Variants in GFRA2 observed in about 807,000 individuals in gnomAD.
The protein encoded by GFRA2 is GDNF family receptor alpha-2.
In GFRA2, 17 loss-of-function variants were observed where a neutral mutation model predicts 48.3. The ratio of observed to expected loss-of-function variants is 0.35; its 90% CI spans 0.24 to 0.53. The LOEUF is 0.53. Ranked by LOEUF, GFRA2 falls within the 20% of genes least tolerant of loss-of-function variation. The pLI, the probability that GFRA2 is intolerant of heterozygous loss-of-function variation, is 0.93. For missense variants in GFRA2, 660 were observed against 637.3 expected (o/e 1.04, Z -0.38); for synonymous variants, 305 against 257.2 (o/e 1.19, Z -1.78).
chr8:21,714,822 A>G (rs1203892694), intron 4 of GFRA2, among the ~76,000 whole-genome samples: 2 of 152,298 alleles, frequency 1.3e-5, no homozygotes, highest in Non-Finnish European at 2.9e-5. Flanking sequence ...AAGGGCGGCC[A>G]CCAGCACTGC....
At chr8:21,736,032 C>T (rs980296724) in intron 4 of GFRA2, among the ~76,000 whole-genome samples, 1 of 152,246 alleles carries the variant, frequency 6.6e-6, no homozygotes, top group African/African-American at 2.4e-5. Flanking sequence ...TTCACTCGGG[C>T]TCCCTCTCCT....
At chr8:21,723,907 A>G (rs1803729465) in intron 4 of GFRA2, among the ~76,000 whole-genome samples, 1 of 152,214 alleles carries the variant, frequency 6.6e-6, no homozygotes. Flanking sequence ...GAGTCCCCAC[A>G]GCAGGTGGCA....
At chr8:21,767,106 C>T (rs1292050764) in intron 3 of GFRA2, among the ~76,000 whole-genome samples, 2 of 147,092 alleles carry the variant, frequency 1.4e-5, no homozygotes, top group Non-Finnish European at 3.0e-5. Context: ...CACACACCAC[C>T]ATACATCACA....
intron 4 of GFRA2, among the ~76,000 whole-genome samples, chr8:21,718,206 T>C (rs1585249686): frequency 6.6e-6 from 1 of 152,210 alleles, no homozygotes; most frequent in Non-Finnish European, 1.5e-5. Flanking sequence ...GTTGTCGTGA[T>C]AGTGAGTAAG....
rs71251953 is a variant in GFRA2, at chr8:21,767,958, CAGAGAG to C, written c.439+7008_439+7013del. ...AAGAGCCTGAGGTCACTGGCGTTGA[CAGAGAG>C]AGAGAGAGAGAGCAGATGAAAACAG... On this transcript the variant is annotated intron_variant, in intron 3 of 8. Coordinates refer to ENST00000524240, the MANE Select transcript of GFRA2 (RefSeq NM_001495.5). Among the ~76,000 whole-genome samples the C allele has an allele frequency of 5.6e-3, 836 of 148,522 alleles. 8 individuals are homozygous for C. The highest frequency in any genetic ancestry group is 0.02 in the African/African-American group (795 of 38,854).
chr8:21,789,715 C>G (rs1431759704), upstream of GFRA2, among the ~76,000 whole-genome samples: 2 of 152,012 alleles, frequency 1.3e-5, no homozygotes, highest in Admixed American at 6.5e-5. Context: ...CTCACGCCCG[C>G]GGCGCGCTTG....
chr8:21,763,630 G>A (rs1806013965), intron 3 of GFRA2, among the ~76,000 whole-genome samples: 1 of 151,978 alleles, frequency 6.6e-6, no homozygotes. Context: ...CCTGCTGAAA[G>A]GTTGACATCA....
intron 3 of GFRA2, among the ~76,000 whole-genome samples, chr8:21,764,732 C>T (rs974076386): frequency 3.3e-5 from 5 of 152,222 alleles, no homozygotes; most frequent in African/African-American, 1.2e-4. Flanking sequence ...TTCAATTCCA[C>T]CCTCTCTTGG....
intron 1 of GFRA2, among the ~76,000 whole-genome samples, chr8:21,805,640 G>C (rs1313123622): frequency 6.6e-6 from 1 of 152,136 alleles, no homozygotes; most frequent in African/African-American, 2.4e-5. Flanking sequence ...CTAGGGCTGG[G>C]AGTCGTAAAG....
intron 3 of GFRA2, among the ~76,000 whole-genome samples, chr8:21,759,528 A>AGGAG (rs1423445113): frequency 1.5e-4 from 22 of 143,788 alleles, no homozygotes; most frequent in African/African-American, 5.3e-4. Context: ...GAAGGAAGGA[A>AGGAG]GGAAGGAAGG....
In GFRA2 at chr8:21,773,575, G is replaced by T. The variant is rs1806542575; in HGVS notation, c.439+1397C>A. ...TGGACAAAAAGAGAAAGAAAAAGGA[G>T]ATCTTACAATGGTTTATGGTCCTCC... On this transcript the variant is annotated intron_variant, in intron 3 of 8. Transcript: ENST00000524240. Among the ~76,000 whole-genome samples, 5 of 152,360 alleles carry T rather than the reference G, an allele frequency of 3.3e-5. No individual in the cohort carries two copies. In the South Asian group the frequency reaches 1.0e-3, roughly 32 times the overall value.
intron 4 of GFRA2, among the ~76,000 whole-genome samples, chr8:21,747,756 CCACACACACACACACACA>C (rs61578379): frequency 1.6e-4 from 22 of 139,154 alleles, no homozygotes; most frequent in Admixed American, 3.6e-4. Flanking sequence ...CCATCTTCCA[CCACACACACACACACACA>C]CACACACACA....
intron 7 of GFRA2, among the ~76,000 whole-genome samples, chr8:21,699,509 C>T (rs190036286): frequency 2.0e-5 from 3 of 152,246 alleles, no homozygotes; most frequent in African/African-American, 7.2e-5. Flanking sequence ...TACAAATTGG[C>T]ATTCTGGGCC....
intron 3 of GFRA2, among the ~76,000 whole-genome samples, chr8:21,766,652 C>A (rs1282898312): frequency 6.6e-6 from 1 of 150,602 alleles, no homozygotes; most frequent in Non-Finnish European, 1.5e-5. Context: ...CTTTCCATGG[C>A]TCCCCTAAGA....
At chr8:21,723,995 T>C (rs1585256688) in intron 4 of GFRA2, among the ~76,000 whole-genome samples, 1 of 151,400 alleles carries the variant, frequency 6.6e-6, no homozygotes, top group Non-Finnish European at 1.5e-5. Flanking sequence ...GCTGGCAGAG[T>C]AGAGTGTATG....
chr8:21,751,018 T>C (rs890625204), intron 3 of GFRA2, 76 bp from the exon 4 acceptor site: 8 of 955,266 alleles, frequency 8.4e-6, no homozygotes, highest in Non-Finnish European at 1.3e-5. Context: ...CACTGGAAGA[T>C]GTCTCCCAGT....
At chr8:21,804,412 T>C (rs1244953824) in intron 2 of GFRA2, among the ~76,000 whole-genome samples, 7 of 147,778 alleles carry the variant, frequency 4.7e-5, no homozygotes, top group Non-Finnish European at 1.0e-4. Context: ...TTGTCAACTA[T>C]AAACTTCTCT....
At chr8:21,757,482 AT>A (rs1405509731) in intron 3 of GFRA2, among the ~76,000 whole-genome samples, 2 of 146,280 alleles carry the variant, frequency 1.4e-5, no homozygotes, top group African/African-American at 5.2e-5. Context: ...TGTTTAATTG[AT>A]TTTTTCTTTA....
chr8:21,701,414 T>C (rs1802471075), intron 7 of GFRA2, among the ~76,000 whole-genome samples: 1 of 152,132 alleles, frequency 6.6e-6, no homozygotes, highest in Non-Finnish European at 1.5e-5. Context: ...AAATAAAAAA[T>C]AAAAACATTG....
Sources: allele counts gnomAD v4.1 joint callset (sites outside exome capture counted in the v4.1 genomes callset), GRCh38; gene constraint gnomAD v4.1.1; transcripts MANE v1.5; gene names NCBI Gene and HGNC (gene_info 2026-07-23, HGNC 2026-07-21).